IKZF5: variants seen among roughly 807,000 people sequenced by gnomAD.
IKZF5 encodes IKAROS family zinc finger 5, also known as zinc finger protein Pegasus.
A neutral mutation model predicts 30.7 loss-of-function variants in IKZF5; 4 were observed. The observed-to-expected ratio is 0.13, with a 90% CI of 0.06 to 0.30. The LOEUF is 0.30. Among genes scored for constraint, IKZF5 ranks in the 10% least tolerant of loss-of-function variants. The pLI, the probability that IKZF5 is intolerant of heterozygous loss-of-function variation, is 1.00. For synonymous variants in IKZF5, 148 were observed against 179.6 expected, an observed-to-expected ratio of 0.82 and a Z score of 1.41; for missense variants, 348 against 525.5, an observed-to-expected ratio of 0.66 and a Z score of 3.30.
intron 2 of IKZF5, among the ~76,000 whole-genome samples, chr10:123,002,651 C>T (rs1849632362): frequency 2.0e-5 from 3 of 151,664 alleles, no homozygotes; most frequent in Admixed American, 6.6e-5. Context: ...GGTGAAACCC[C>T]GTCTCTACTA....
In IKZF5 at chr10:122,991,443, A is replaced by G. The variant is rs1266371954; in HGVS notation, c.*2337T>C. On this transcript the variant is annotated 3_prime_UTR_variant, in exon 5 of 5. Coordinates refer to ENST00000368886, the MANE Select transcript of IKZF5 (RefSeq NM_001372123.1). ...GAACATTGCCTGTTAACGGCAAAGTACTATAAATAGTGCATGTTAAACTCT... is the reference window on the plus strand; with the variant it reads ...GAACATTGCCTGTTAACGGCAAAGTGCTATAAATAGTGCATGTTAAACTCT... 6.6e-6 allele frequency: 1 copy of G among 152,224 alleles called. No individual in the cohort carries two copies. Among genetic ancestry groups the G allele is most frequent in the Non-Finnish European group, 1.5e-5 (1 of 68,016 alleles). The allele number at this position is 152,224 out of a possible 1,614,324, so 9.4% of individuals were successfully genotyped here.
chr10:122,995,921 A>G, intron 4 of IKZF5, 73 bp downstream of exon 4: 2 of 1,441,768 alleles, frequency 1.4e-6, no homozygotes, highest in Admixed American at 4.0e-5. Flanking sequence ...TATTTCTATG[A>G]CAAACCAACC....
Position 123,008,678 on chromosome 10 carries a change from G to A in IKZF5, c.-198+16C>T. 1 of 421,870 alleles carries A rather than the reference G, an allele frequency of 2.4e-6. No homozygotes were observed. 26.1% of individuals were successfully genotyped at this position (421,870 alleles called of 1,614,324 possible). A position where few individuals can be genotyped will look rare whatever the true frequency, so the allele number is the denominator to read the frequency against. On this transcript the variant is annotated intron_variant, in intron 1 of 4. Coordinates refer to ENST00000368886, the MANE Select transcript of IKZF5 (RefSeq NM_001372123.1). Reference sequence around the variant, plus strand: ...TGCCGCGTCGCCGCCGTCCGAGCCGGCAGCCTGCTACTTACCTCCTGACAA... The same window carrying A: ...TGCCGCGTCGCCGCCGTCCGAGCCGACAGCCTGCTACTTACCTCCTGACAA...
chr10:123,007,519 T>C (rs1179793775), intron 1 of IKZF5, among the ~76,000 whole-genome samples: 4 of 152,228 alleles, frequency 2.6e-5, no homozygotes, highest in African/African-American at 9.6e-5. Flanking sequence ...TCAAGCTTAG[T>C]ACTGCTGAAC....
intron 2 of IKZF5, among the ~76,000 whole-genome samples, chr10:123,000,623 G>C (rs1283412692): frequency 6.6e-6 from 1 of 152,184 alleles, no homozygotes; most frequent in Non-Finnish European, 1.5e-5. Flanking sequence ...TTCAGTTTTA[G>C]ATAATGTCAA....
chr10:123,002,069 T>C (rs1849606227), intron 2 of IKZF5, among the ~76,000 whole-genome samples: 1 of 152,234 alleles, frequency 6.6e-6, no homozygotes, highest in Admixed American at 6.5e-5. Flanking sequence ...TTCGTACTTC[T>C]TGTCTTCTCT....
In IKZF5 at chr10:122,992,014, T is replaced by C. The variant is rs180973195; in HGVS notation, c.*1766A>G. On this transcript the variant is annotated 3_prime_UTR_variant, in exon 5 of 5. Coordinates refer to ENST00000368886, the MANE Select transcript of IKZF5 (RefSeq NM_001372123.1). Reference sequence around the variant, plus strand: ...TTTCTTTCTGGCAACTGATAAATACTAAAGCCAAGTTACACACTTGGAAAC... The same window carrying C: ...TTTCTTTCTGGCAACTGATAAATACCAAAGCCAAGTTACACACTTGGAAAC... 8 of 152,314 alleles carry C rather than the reference T, an allele frequency of 5.3e-5. No homozygotes were observed. The highest frequency in any genetic ancestry group is 5.2e-4 in the Admixed American group (8 of 15,300). The allele number at this position is 152,314 out of a possible 1,614,324, so 9.4% of individuals were successfully genotyped here.
intron 2 of IKZF5, among the ~76,000 whole-genome samples, chr10:123,001,931 C>T (rs1036265277): frequency 1.3e-5 from 2 of 152,144 alleles, no homozygotes; most frequent in East Asian, 1.9e-4. Context: ...TGACTTAACT[C>T]GAAATCTACT....
Position 122,998,476 on chromosome 10 carries a change from T to C in IKZF5, c.133+17A>G. 1 of 1,600,072 alleles carries C rather than the reference T, an allele frequency of 6.2e-7. No homozygotes were observed. Among genetic ancestry groups the C allele is most frequent in the Non-Finnish European group, 8.5e-7 (1 of 1,173,300 alleles). On this transcript the variant is annotated intron_variant, in intron 3 of 4. Coordinates refer to ENST00000368886, the MANE Select transcript of IKZF5 (RefSeq NM_001372123.1). Reference sequence around the variant, plus strand: ...GTATAAAAAGTGAATTACTTAGTAGTATTAAAATGAGTCTACCTCCCTGAA... The same window carrying C: ...GTATAAAAAGTGAATTACTTAGTAGCATTAAAATGAGTCTACCTCCCTGAA...
Position 122,994,349 on chromosome 10 carries a change from C to T in IKZF5, c.691G>A (p.Ala231Thr). The T allele has an allele frequency of 6.2e-7, 1 of 1,613,912 alleles. No homozygotes were observed. The highest frequency in any genetic ancestry group is 1.1e-5 in the South Asian group (1 of 91,060). The change falls in exon 5 of 5, where the codon GCA (alanine) becomes ACA (threonine). Residue 231 changes from alanine (A) to threonine (T), a missense_variant. Ala to Thr is a moderately conservative substitution (Grantham distance 58). This residue lies in a region of IKZF5 where 176 missense variants were observed against 198.2 expected (regional missense o/e 0.89). Transcript: ENST00000368886. The surrounding 1 kb of genome is among the most constrained non-coding windows in gnomAD (Gnocchi z 5.6). ...NIQTDSYESM[A>T]KTTPTGGLPR... The stretch of plus-strand genomic sequence containing the variant: ...AGGCCACCAGTTGGTGTGGTTTTTG[C>T]CATACTTTCATAGGAGTCAGTCTGG...
At chr10:123,001,911 ACTT>A (rs1406184453) in intron 2 of IKZF5, among the ~76,000 whole-genome samples, 1 of 152,240 alleles carries the variant, frequency 6.6e-6, no homozygotes, top group Non-Finnish European at 1.5e-5. Flanking sequence ...AAGAATCAAA[ACTT>A]CTTCTTTGAC....
intron 2 of IKZF5, among the ~76,000 whole-genome samples, chr10:123,004,669 T>G (rs755179534): frequency 6.6e-5 from 10 of 151,670 alleles, no homozygotes; most frequent in Non-Finnish European, 1.2e-4. Context: ...GAGAACACTG[T>G]AACATTGCAA....
At chr10:123,002,786 T>TA (rs371495279) in intron 2 of IKZF5, among the ~76,000 whole-genome samples, 39,927 of 116,840 alleles carry the variant, frequency 0.34, 6,023 homozygotes, top group Middle Eastern at 0.41. Context: ...AGACTCCGTC[T>TA]AAAAAAAAAA....
Position 122,993,619 on chromosome 10 carries a change from A to G in IKZF5, c.*161T>C, listed in dbSNP as rs1849243349. The stretch of plus-strand genomic sequence containing the variant: ...AAATGACCCTGACCAGATTTTTATG[A>G]AAAAAAGGGGAAATTTTATTCCACT... On this transcript the variant is annotated 3_prime_UTR_variant, in exon 5 of 5. Transcript: ENST00000368886. 3 of 501,802 alleles carry G rather than the reference A, an allele frequency of 6.0e-6. No individual in the cohort carries two copies. The highest frequency in any genetic ancestry group is 3.7e-5 in the Admixed American group (1 of 26,768). The allele number at this position is 501,802 out of a possible 1,614,324, so 31.1% of individuals were successfully genotyped here.
At position 122,992,629 on chromosome 10, in the gene IKZF5, C is replaced by T. The variant is rs762814006; in HGVS notation, c.*1151G>A. The T allele has an allele frequency of 2.6e-5, 4 of 152,148 alleles. No individual in the cohort carries two copies. The highest frequency in any genetic ancestry group is 9.7e-5 in the African/African-American group (4 of 41,430). 9.4% of individuals were successfully genotyped at this position (152,148 alleles called of 1,614,324 possible). A position where few individuals can be genotyped will look rare whatever the true frequency, so the allele number is the denominator to read the frequency against. On this transcript the variant is annotated 3_prime_UTR_variant, in exon 5 of 5. Coordinates refer to ENST00000368886, the MANE Select transcript of IKZF5 (RefSeq NM_001372123.1). ...TATATTCACTTCCACACCTTTTTATCCTTTCTTACTAAAGCGATGATTTAG... is the reference window on the plus strand; with the variant it reads ...TATATTCACTTCCACACCTTTTTATTCTTTCTTACTAAAGCGATGATTTAG...
intron 1 of IKZF5, among the ~76,000 whole-genome samples, chr10:123,007,749 C>T (rs1218830887): frequency 6.6e-6 from 1 of 152,208 alleles, no homozygotes; most frequent in Non-Finnish European, 1.5e-5. Flanking sequence ...AACGAACTCT[C>T]ATCAATAATA....
Position 122,993,828 on chromosome 10 carries a change from CTTGTT to C in IKZF5, c.1207_1211del (p.Asn403ValfsTer2). On this transcript the variant is annotated frameshift_variant, in exon 5 of 5. Coordinates refer to ENST00000368886, the MANE Select transcript of IKZF5 (RefSeq NM_001372123.1). LOFTEE classifies it high-confidence loss of function. Reference sequence around the variant, plus strand: ...TTGCAAAATGACAGGCAAAATCATACTTGTTTTTACATTTGCATCCACATATATTA... The same window carrying C: ...TTGCAAAATGACAGGCAAAATCATACTTTACATTTGCATCCACATATATTA... 3 of 1,611,340 alleles carry C rather than the reference CTTGTT, an allele frequency of 1.9e-6. No individual in the cohort carries two copies. Among genetic ancestry groups the C allele is most frequent in the Non-Finnish European group, 1.7e-6 (2 of 1,178,098 alleles).
chr10:123,001,015 T>A (rs991156881), intron 2 of IKZF5, among the ~76,000 whole-genome samples: 3 of 141,810 alleles, frequency 2.1e-5, no homozygotes, highest in Admixed American at 1.4e-4. Context: ...TTTTCTTTTC[T>A]TTTTTTTTTT....
intron 2 of IKZF5, among the ~76,000 whole-genome samples, chr10:123,000,883 T>C (rs1849556057): frequency 6.6e-6 from 1 of 152,210 alleles, no homozygotes; most frequent in Non-Finnish European, 1.5e-5. Flanking sequence ...CTCATACCTT[T>C]TGCTTATTTT....
Sources: allele counts gnomAD v4.1 joint callset (sites outside exome capture counted in the v4.1 genomes callset), GRCh38; gene constraint gnomAD v4.1.1; regional missense constraint gnomAD v4.1.1; non-coding constraint Gnocchi (gnomAD v3.1); transcripts MANE v1.5; gene names NCBI Gene and HGNC (gene_info 2026-07-23, HGNC 2026-07-21).